ANKRD50: variants seen among roughly 807,000 people sequenced by gnomAD.
ANKRD50 encodes the protein ankyrin repeat domain 50.
In ANKRD50, 40 loss-of-function variants were observed where a neutral mutation model predicts 112.0. The observed-to-expected ratio is 0.36, with a 90% CI of 0.28 to 0.46. The LOEUF is 0.46. Among genes scored for constraint, ANKRD50 ranks in the 20% least tolerant of loss-of-function variants. ANKRD50 has a pLI of 1.00. For synonymous variants in ANKRD50, 613 were observed against 619.1 expected (o/e 0.99, Z 0.15); for missense variants, 1,487 against 1,701.7 (o/e 0.87, Z 2.22).
intron 2 of ANKRD50, among the ~76,000 whole-genome samples, chr4:124,682,953 A>C (rs1283370057): frequency 6.6e-6 from 1 of 152,002 alleles, no homozygotes; most frequent in Non-Finnish European, 1.5e-5. Flanking sequence ...TGTCAGTAGG[A>C]TATATTACTA....
intron 3 of ANKRD50, 136 bp downstream of exon 3, chr4:124,678,540 T>C: frequency 1.3e-6 from 1 of 755,490 alleles, no homozygotes; most frequent in Non-Finnish European, 2.1e-6. Context: ...TATATAAATT[T>C]CAAAACGCAC....
At position 124,666,832 on chromosome 4, in the gene ANKRD50, T is replaced by A. The variant is rs922381552; in HGVS notation, c.*686A>T. On this transcript the variant is annotated 3_prime_UTR_variant, in exon 5 of 5. Coordinates refer to ENST00000504087, the MANE Select transcript of ANKRD50 (RefSeq NM_020337.3). The stretch of plus-strand genomic sequence containing the variant: ...GACTGGTTGGTTGTTTGTTCTGACA[T>A]GTTTAGCCAGAGATGAGAAGAATTC... The A allele has an allele frequency of 6.6e-6, 1 of 152,430 alleles. No individual in the cohort carries two copies. The highest frequency in any genetic ancestry group is 6.6e-5 in the Admixed American group (1 of 15,228). 9.4% of individuals were successfully genotyped at this position (152,430 alleles called of 1,614,324 possible). A position where few individuals can be genotyped will look rare whatever the true frequency, so the allele number is the denominator to read the frequency against.
At chr4:124,680,495 T>C (rs1724860628) in intron 2 of ANKRD50, among the ~76,000 whole-genome samples, 1 of 152,174 alleles carries the variant, frequency 6.6e-6, no homozygotes. Flanking sequence ...ACAATCATAC[T>C]GCTACAGGAG....
chr4:124,678,615 T>G (rs949980801), intron 3 of ANKRD50, 61 bp downstream of exon 3: 10 of 1,465,214 alleles, frequency 6.8e-6, no homozygotes, highest in Admixed American at 1.8e-5. Context: ...TACTTTTTCC[T>G]CTAAGAAACT....
chr4:124,681,037 T>TA (rs1411803812), intron 2 of ANKRD50, among the ~76,000 whole-genome samples: 1 of 152,132 alleles, frequency 6.6e-6, no homozygotes, highest in Admixed American at 6.5e-5. Flanking sequence ...AGAAAATTGA[T>TA]ATGTTTATAC....
At chr4:124,692,311 A>G (rs1159457953) in intron 2 of ANKRD50, among the ~76,000 whole-genome samples, 1 of 152,220 alleles carries the variant, frequency 6.6e-6, no homozygotes, top group East Asian at 1.9e-4. Flanking sequence ...TAAACACTCA[A>G]TATATAGACA....
chr4:124,686,368 G>A (rs1439524279), intron 2 of ANKRD50, among the ~76,000 whole-genome samples: 1 of 152,134 alleles, frequency 6.6e-6, no homozygotes, highest in Non-Finnish European at 1.5e-5. Context: ...CAGACAGAAT[G>A]TGGAGCCCCT....
intron 2 of ANKRD50, among the ~76,000 whole-genome samples, chr4:124,696,505 C>T (rs1725255295): frequency 6.6e-6 from 1 of 151,942 alleles, no homozygotes; most frequent in Admixed American, 6.5e-5. Flanking sequence ...AGCATCAATC[C>T]ACAGATTTAA....
intron 2 of ANKRD50, among the ~76,000 whole-genome samples, chr4:124,683,896 A>T (rs1578580889): frequency 7.8e-6 from 1 of 128,500 alleles, no homozygotes; most frequent in African/African-American, 2.9e-5. Flanking sequence ...TATAGATAAT[A>T]CATCAGTCTT....
chr4:124,700,289 G>C (rs918306895), intron 2 of ANKRD50, among the ~76,000 whole-genome samples: 2 of 152,210 alleles, frequency 1.3e-5, no homozygotes, highest in Non-Finnish European at 2.9e-5. Flanking sequence ...TAAGGTCAAA[G>C]GCTAGGCAAG....
At chr4:124,688,727 C>A (rs1725063521) in intron 2 of ANKRD50, among the ~76,000 whole-genome samples, 1 of 152,100 alleles carries the variant, frequency 6.6e-6, no homozygotes, top group Non-Finnish European at 1.5e-5. Flanking sequence ...TAGATCAGAT[C>A]ATTAACACTG....
intron 3 of ANKRD50, among the ~76,000 whole-genome samples, chr4:124,674,148 T>C (rs895819504): frequency 5.3e-5 from 8 of 152,090 alleles, no homozygotes; most frequent in South Asian, 2.1e-4. Flanking sequence ...ACCTAGTACA[T>C]TGCTAATAAA....
At chr4:124,701,779 G>A (rs1337900826) in intron 2 of ANKRD50, among the ~76,000 whole-genome samples, 1 of 151,448 alleles carries the variant, frequency 6.6e-6, no homozygotes, top group Non-Finnish European at 1.5e-5. Flanking sequence ...TTCCACCTCA[G>A]CCTCCCACAC....
chr4:124,702,492 C>A (rs1406082961), intron 2 of ANKRD50, among the ~76,000 whole-genome samples: 3 of 152,178 alleles, frequency 2.0e-5, no homozygotes, highest in African/African-American at 7.2e-5. Context: ...ACTTAGGGAT[C>A]TCTTTAAAGG....
intron 3 of ANKRD50, among the ~76,000 whole-genome samples, chr4:124,675,921 T>C (rs571610742): frequency 2.6e-5 from 4 of 151,880 alleles, no homozygotes; most frequent in Admixed American, 6.6e-5. Flanking sequence ...GTCAGTATAG[T>C]GAATACATCA....
In ANKRD50 at chr4:124,712,470, C is replaced by CGCCGCCGTG. The variant is rs1460444081; in HGVS notation, c.-785_-777dup. On this transcript the variant is annotated 5_prime_UTR_variant, in exon 1 of 5. Transcript: ENST00000504087. The stretch of plus-strand genomic sequence containing the variant: ...GCCCCCCGGTTACCTCGGCCCCAGC[C>CGCCGCCGTG]GCCGCCGTGGCCGCCGCTGCCGCTG... 1 of 157,128 alleles carries CGCCGCCGTG rather than the reference C, an allele frequency of 6.4e-6. No homozygotes were observed. The highest frequency in any genetic ancestry group is 1.9e-4 in the East Asian group (1 of 5,268). 9.7% of individuals were successfully genotyped at this position (157,128 alleles called of 1,614,324 possible).
At chr4:124,690,464 T>C (rs1408402952) in intron 2 of ANKRD50, among the ~76,000 whole-genome samples, 1 of 152,202 alleles carries the variant, frequency 6.6e-6, no homozygotes, top group African/African-American at 2.4e-5. Context: ...TGTAACAGAT[T>C]TATTTTCATG....
rs964077910 is a variant in ANKRD50, at chr4:124,666,819, G to A, written c.*699C>T. The A allele has an allele frequency of 1.3e-5, 2 of 152,392 alleles. No individual in the cohort carries two copies. The highest frequency in any genetic ancestry group is 4.8e-5 in the African/African-American group (2 of 41,402). The allele number at this position is 152,392 out of a possible 1,614,324, so 9.4% of individuals were successfully genotyped here. ...TGTTCTGCCTACAGACTGGTTGGTT[G>A]TTTGTTCTGACATGTTTAGCCAGAG... is the stretch of plus-strand genomic sequence containing the variant. On this transcript the variant is annotated 3_prime_UTR_variant, in exon 5 of 5. Transcript: ENST00000504087.
At chr4:124,685,179 C>T (rs1018334362) in intron 2 of ANKRD50, among the ~76,000 whole-genome samples, 1 of 152,142 alleles carries the variant, frequency 6.6e-6, no homozygotes, top group African/African-American at 2.4e-5. Flanking sequence ...CATCTCCTTG[C>T]CCATAATGTA....
Sources: allele counts gnomAD v4.1 joint callset (sites outside exome capture counted in the v4.1 genomes callset), GRCh38; gene constraint gnomAD v4.1.1; transcripts MANE v1.5; gene names NCBI Gene and HGNC (gene_info 2026-07-23, HGNC 2026-07-21).